The following CRPPA variants were observed in gnomAD, a reference collection of about 807,000 sequenced individuals.
CRPPA encodes D-ribitol-5-phosphate cytidylyltransferase.
Under a neutral mutation model 52.0 loss-of-function variants are expected in CRPPA, and 43 were observed. The observed-to-expected ratio is 0.83, with a 90% CI of 0.65 to 1.07. The LOEUF is 1.07. CRPPA is among the 50% of genes least tolerant of loss of function. The probability of loss-of-function intolerance (pLI) is 0.00; values close to 1 mark genes in which losing one functional copy is unlikely to be tolerated. For synonymous variants in CRPPA, 250 were observed against 203.5 expected (o/e 1.23, Z -1.94); for missense variants, 629 against 551.7 (o/e 1.14, Z -1.40).
intron 8 of CRPPA, among the ~76,000 whole-genome samples, chr7:16,236,716 GT>G (rs956290766): frequency 1.3e-5 from 2 of 151,876 alleles, no homozygotes; most frequent in East Asian, 3.9e-4. Context: ...AATAGAAAAG[GT>G]TTTTTTCTGT....
chr7:16,090,569 A>AAAAAAAAAAC lies in CRPPA; in HGVS notation c.*1125_*1126insGTTTTTTTTT. The AAAAAAAAAAC allele has an allele frequency of 6.6e-6, 1 of 150,866 alleles. No homozygotes were observed. The highest frequency in any genetic ancestry group is 2.4e-5 in the African/African-American group (1 of 40,984). 9.3% of individuals were successfully genotyped at this position (150,866 alleles called of 1,614,324 possible). On this transcript the variant is annotated 3_prime_UTR_variant, in exon 10 of 10. Transcript: ENST00000407010. ...AAATACAAAAAAAAAAAAAAAAAAAAAAAATTAGCCAGGTGTGGTGGCAGG... is the reference window on the plus strand; with the variant it reads ...AAATACAAAAAAAAAAAAAAAAAAAAAAAAAAAAACAAAATTAGCCAGGTGTGGTGGCAGG...
intron 3 of CRPPA, among the ~76,000 whole-genome samples, chr7:16,344,065 G>A (rs994409759): frequency 6.6e-6 from 1 of 152,174 alleles, no homozygotes; most frequent in Non-Finnish European, 1.5e-5. Context: ...CAGGAAAGCT[G>A]TTAAACAGCA....
intron 1 of CRPPA, among the ~76,000 whole-genome samples, chr7:16,410,444 C>T (rs1056406913): frequency 6.6e-6 from 1 of 152,222 alleles, no homozygotes; most frequent in African/African-American, 2.4e-5. Flanking sequence ...TTCAATCCCT[C>T]TTAAATGTGG....
intron 8 of CRPPA, chr7:16,216,516 T>A (rs1782317056): frequency 4.0e-6 from 1 of 250,576 alleles, no homozygotes; most frequent in Admixed American, 5.2e-5. Flanking sequence ...TTTCTGCATT[T>A]CCATCTGAGG....
intron 9 of CRPPA, among the ~76,000 whole-genome samples, chr7:16,179,030 C>T (rs1781359815): frequency 6.7e-6 from 1 of 150,206 alleles, no homozygotes; most frequent in Non-Finnish European, 1.5e-5. Context: ...AATCTTATCT[C>T]AATTTAGACA....
intron 9 of CRPPA, among the ~76,000 whole-genome samples, chr7:16,212,909 C>A (rs576054412): frequency 1.4e-4 from 21 of 152,230 alleles, no homozygotes; most frequent in Middle Eastern, 3.4e-3. Flanking sequence ...AAACTTTGAA[C>A]CTATGTGCTT....
intron 2 of CRPPA, among the ~76,000 whole-genome samples, chr7:16,386,898 T>C (rs1190923568): frequency 6.6e-6 from 1 of 151,744 alleles, no homozygotes; most frequent in Non-Finnish European, 1.5e-5. Context: ...TGAATGCCTG[T>C]AGTCCCAGCT....
chr7:16,358,455 T>C (rs972760107), intron 3 of CRPPA, among the ~76,000 whole-genome samples: 5 of 152,206 alleles, frequency 3.3e-5, no homozygotes, highest in African/African-American at 1.2e-4. Context: ...CTTCTGATTT[T>C]TGCCTATTTT....
chr7:16,135,146 A>C (rs1782741136), intron 9 of CRPPA, among the ~76,000 whole-genome samples: 2 of 152,230 alleles, frequency 1.3e-5, no homozygotes, highest in South Asian at 4.1e-4. Flanking sequence ...TGTTTACATC[A>C]ATTGTTACAT....
intron 5 of CRPPA, among the ~76,000 whole-genome samples, chr7:16,292,686 C>G (rs1784588799): frequency 6.6e-6 from 1 of 151,930 alleles, no homozygotes; most frequent in South Asian, 2.1e-4. Context: ...AATATAGCCA[C>G]TTTTCATTTG....
intron 9 of CRPPA, among the ~76,000 whole-genome samples, chr7:16,157,050 G>A (rs1783197017): frequency 6.6e-6 from 1 of 152,132 alleles, no homozygotes; most frequent in Non-Finnish European, 1.5e-5. Flanking sequence ...CTAATGGCCT[G>A]AAGAAAGCCC....
At position 16,258,910 on chromosome 7, in the gene CRPPA, A is replaced by G. The variant is rs886062166; in HGVS notation, c.1026+10T>C. ...TCCTTAAGTGCCTTCAATCATTTGAATTGACTTACATTCACACAAACAAAA... is the reference window on the plus strand; with the variant it reads ...TCCTTAAGTGCCTTCAATCATTTGAGTTGACTTACATTCACACAAACAAAA... On this transcript the variant is annotated intron_variant, in intron 7 of 9. Coordinates refer to ENST00000407010, the MANE Select transcript of CRPPA (RefSeq NM_001101426.4). 24 of 1,583,514 alleles carry G rather than the reference A, an allele frequency of 1.5e-5. No homozygotes were observed. Among genetic ancestry groups the G allele is most frequent in the Non-Finnish European group, 1.8e-5 (21 of 1,157,978 alleles).
rs927864216 is a variant in CRPPA at position 16,133,076 on chromosome 7, G to A, written c.1252-41277C>T. Among the ~76,000 whole-genome samples the A allele has an allele frequency of 2.4e-5, 3 of 122,646 alleles. 1 individual carries two copies. Among genetic ancestry groups the A allele is most frequent in the Non-Finnish European group, 5.5e-5 (3 of 54,108 alleles). The allele number at this position is 122,646 out of a possible 152,430, so 80.5% of individuals were successfully genotyped here. On this transcript the variant is annotated intron_variant, in intron 9 of 9. Transcript: ENST00000407010. ...GGATACTGAGGTGGGGGGATCACTT[G>A]AGCTTGGGATGTCAAAGCACTTGAG...
intron 3 of CRPPA, among the ~76,000 whole-genome samples, chr7:16,364,148 G>T (rs994847051): frequency 1.3e-5 from 2 of 152,106 alleles, no homozygotes; most frequent in African/African-American, 2.4e-5. Flanking sequence ...TTACACTTAC[G>T]TGCCTGAAAG....
intron 2 of CRPPA, among the ~76,000 whole-genome samples, chr7:16,383,268 G>A (rs1232008876): frequency 1.3e-5 from 2 of 150,262 alleles, no homozygotes; most frequent in South Asian, 4.1e-4. Context: ...TCTAGACCCT[G>A]TTTGCCTGGG....
At chr7:16,242,979 G>T (rs1034188629) in intron 8 of CRPPA, among the ~76,000 whole-genome samples, 1 of 152,144 alleles carries the variant, frequency 6.6e-6, no homozygotes, top group Non-Finnish European at 1.5e-5. Flanking sequence ...TTTACTTCAA[G>T]TAATCAATAT....
chr7:16,360,680 T>C (rs1474762487), intron 3 of CRPPA, among the ~76,000 whole-genome samples: 2 of 152,164 alleles, frequency 1.3e-5, no homozygotes, highest in East Asian at 1.9e-4. Flanking sequence ...CATATGCACA[T>C]GAATGAATTT....
chr7:16,190,782 C>G (rs1781593697), intron 9 of CRPPA, among the ~76,000 whole-genome samples: 1 of 152,092 alleles, frequency 6.6e-6, no homozygotes, highest in Non-Finnish European at 1.5e-5. Context: ...ACCCTTTCCC[C>G]CAAGTCCCCG....
intron 2 of CRPPA, among the ~76,000 whole-genome samples, chr7:16,379,570 T>C (rs1331706851): frequency 1.3e-5 from 2 of 152,178 alleles, no homozygotes; most frequent in Non-Finnish European, 2.9e-5. Context: ...AATCTATAAA[T>C]TACCTTGGGC....
Sources: allele counts gnomAD v4.1 joint callset (sites outside exome capture counted in the v4.1 genomes callset), GRCh38; gene constraint gnomAD v4.1.1; transcripts MANE v1.5; gene names NCBI Gene and HGNC (gene_info 2026-07-23, HGNC 2026-07-21).